WNK1: variants seen among roughly 807,000 people sequenced by gnomAD.
The protein encoded by WNK1 is WNK lysine deficient protein kinase 1, also known as serine/threonine-protein kinase WNK1.
In WNK1, 38 loss-of-function variants were observed where a neutral mutation model predicts 222.8. The ratio of observed to expected loss-of-function variants is 0.17; its 90% CI spans 0.13 to 0.22. WNK1 has a LOEUF of 0.22. WNK1 is among the 10% of genes least tolerant of loss of function. WNK1 has a pLI of 1.00. For synonymous variants in WNK1, 1,090 were observed against 1,092.9 expected (o/e 1.00, Z 0.05); for missense variants, 2,348 against 2,918.4 (o/e 0.80, Z 4.50).
rs1353529302 is a variant in WNK1, at chr12:869,041, A to T, written c.2140-2224A>T. 2 of 1,613,392 alleles carry T rather than the reference A, an allele frequency of 1.2e-6. No homozygotes were observed. Among genetic ancestry groups the T allele is most frequent in the Admixed American group, 3.3e-5 (2 of 59,774 alleles). On this transcript the variant is annotated intron_variant, in intron 8 of 27. Transcript: ENST00000315939. ...CACTTTTCTTCTGTTTCCCCCAAGG[A>T]ACCACATCTCAGCAGGTCTTAACTG...
At chr12:906,809 A>G in intron 26 of WNK1, 5 of 937,562 alleles carry the variant, frequency 5.3e-6, no homozygotes, top group Non-Finnish European at 6.3e-6. Context: ...GGAGGCTGAC[A>G]TGGCAGGATT....
chr12:792,637 A>G (rs1274662332), intron 1 of WNK1, among the ~76,000 whole-genome samples: 2 of 152,158 alleles, frequency 1.3e-5, no homozygotes. Context: ...TTGTAACAAA[A>G]AAGCTTACAA....
chr12:788,724 T>A (rs572162360), intron 1 of WNK1, among the ~76,000 whole-genome samples: 1 of 152,166 alleles, frequency 6.6e-6, no homozygotes, highest in Admixed American at 6.5e-5. Flanking sequence ...CCGTCTCTAC[T>A]AAGAATATAA....
chr12:768,218 C>T (rs1942018377), intron 1 of WNK1, among the ~76,000 whole-genome samples: 1 of 152,196 alleles, frequency 6.6e-6, no homozygotes. Context: ...TCACTGCAAC[C>T]TCCATCTCCC....
intron 4 of WNK1, among the ~76,000 whole-genome samples, chr12:837,462 T>A (rs1949275007): frequency 6.7e-6 from 1 of 150,252 alleles, no homozygotes; most frequent in Admixed American, 6.7e-5. Context: ...TAATCCCAGC[T>A]ACTAGGGAGG....
At chr12:855,444 T>C (rs1950713133) in intron 4 of WNK1, among the ~76,000 whole-genome samples, 1 of 152,218 alleles carries the variant, frequency 6.6e-6, no homozygotes, top group South Asian at 2.1e-4. Context: ...GATATAACTC[T>C]TGTACTTAAA....
chr12:831,906 A>G (rs568863158), intron 4 of WNK1, among the ~76,000 whole-genome samples: 20 of 152,210 alleles, frequency 1.3e-4, no homozygotes, highest in African/African-American at 4.8e-4. Flanking sequence ...AAGGATACTT[A>G]ATATGTGGTG....
At chr12:861,861 C>T (rs772021340) in intron 7 of WNK1, among the ~76,000 whole-genome samples, 4 of 152,194 alleles carry the variant, frequency 2.6e-5, no homozygotes, top group Non-Finnish European at 5.9e-5. Flanking sequence ...GTTTCCCTTA[C>T]TCCTCAGGTG....
At chr12:805,452 T>C (rs1169631412) in intron 1 of WNK1, among the ~76,000 whole-genome samples, 2 of 152,178 alleles carry the variant, frequency 1.3e-5, no homozygotes, top group Non-Finnish European at 2.9e-5. Flanking sequence ...AAAATACATA[T>C]ACACTCCTTG....
rs73041110 is a variant in WNK1, at chr12:771,014, A to G, written c.759+16690A>G. Among the ~76,000 whole-genome samples, 828 of 151,752 alleles carry G rather than the reference A, an allele frequency of 5.5e-3. 3 individuals are homozygous for G. The highest frequency in any genetic ancestry group is 0.01 in the South Asian group (50 of 4,820). On this transcript the variant is annotated intron_variant, in intron 1 of 27. Coordinates refer to ENST00000315939, the MANE Select transcript of WNK1 (RefSeq NM_018979.4). ...TGCTTTATATTTTCTTTTTTTTTGG[A>G]GACGGAGTCTTCGCTTTGTCTCGCC... is the stretch of plus-strand genomic sequence containing the variant.
At chr12:767,400 G>A (rs1019387329) in intron 1 of WNK1, among the ~76,000 whole-genome samples, 9 of 151,662 alleles carry the variant, frequency 5.9e-5, no homozygotes, top group African/African-American at 2.2e-4. Flanking sequence ...TTACAGGCGC[G>A]CGCCACCATG....
chr12:864,825 T>C (rs1486181306), intron 8 of WNK1, among the ~76,000 whole-genome samples: 1 of 152,244 alleles, frequency 6.6e-6, no homozygotes, highest in Non-Finnish European at 1.5e-5. Context: ...CATACACTTG[T>C]AACACTTGGT....
In WNK1 at chr12:755,846, G is replaced by T. The variant is rs1046167810; in HGVS notation, c.759+1522G>T. Among the ~76,000 whole-genome samples the T allele has an allele frequency of 1.8e-4, 27 of 152,280 alleles. 1 individual carries two copies. Among genetic ancestry groups the T allele is most frequent in the African/African-American group, 6.5e-4 (27 of 41,556 alleles). The stretch of plus-strand genomic sequence containing the variant: ...AAAAATTAGCCGGGTATGGTGGCGC[G>T]CGCCTGTAATTCCAACTACTCGGGA... On this transcript the variant is annotated intron_variant, in intron 1 of 27. Transcript: ENST00000315939.
chr12:779,210 TAGTG>T lies in WNK1; in HGVS notation c.759+24890_759+24893del, dbSNP rs1374951821. 3.9e-5 allele frequency among the ~76,000 whole-genome samples: 6 copies of T among 152,244 alleles called. No homozygotes were observed. The South Asian group carries it at 6.2e-4, about 16-fold the overall frequency. On this transcript the variant is annotated intron_variant, in intron 1 of 27. Transcript: ENST00000315939. ...CATTTTCATAAAATTTTAGAAAAAT[TAGTG>T]AGTAAATTTTTGGCAGTTATTTTAT...
At chr12:905,440 G>A (rs1003612316) in intron 26 of WNK1, among the ~76,000 whole-genome samples, 2 of 152,244 alleles carry the variant, frequency 1.3e-5, no homozygotes, top group African/African-American at 4.8e-5. Context: ...AAGGGGCCTC[G>A]CAGCATCAGG....
Position 862,200 on chromosome 12 carries a change from T to C in WNK1, c.2069T>C (p.Val690Ala), listed in dbSNP as rs746843926. The change falls in exon 8 of 28, where the codon GTC becomes GCC. Residue 690 changes from valine to alanine, a missense_variant. By Grantham distance (64) the Val-to-Ala change is moderately conservative. Around this residue, in one of 13 missense-constraint regions of WNK1, gnomAD observed 547 missense variants for 558.3 expected, o/e 0.98. Coordinates refer to ENST00000315939, the MANE Select transcript of WNK1 (RefSeq NM_018979.4). ...GAACAGGCACATTCTACAGGCACAG[T>C]CCCAGGGCATATACCTTCTACTGTC... ...QHEQAHSTGT[V>A]PGHIPSTVQA... The C allele has an allele frequency of 1.9e-6, 3 of 1,614,038 alleles. No individual in the cohort carries two copies. The highest frequency in any genetic ancestry group is 2.2e-5 in the South Asian group (2 of 91,072).
At chr12:828,975 G>C (rs1477520092) in intron 3 of WNK1, among the ~76,000 whole-genome samples, 1 of 152,228 alleles carries the variant, frequency 6.6e-6, no homozygotes, top group African/African-American at 2.4e-5. Flanking sequence ...GGTTAGGAAT[G>C]CTTTCACATT....
At chr12:851,699 A>G in intron 4 of WNK1, 1 of 1,333,774 alleles carries the variant, frequency 7.5e-7, no homozygotes, top group Middle Eastern at 2.1e-4. Context: ...TCTGATGGAT[A>G]TTAAAAAGAA....
intron 26 of WNK1, chr12:906,831 G>A: frequency 1.2e-6 from 1 of 835,112 alleles, no homozygotes; most frequent in Non-Finnish European, 1.4e-6. Flanking sequence ...CCTGAGCCCA[G>A]CAGTTCATGA....
Sources: allele counts gnomAD v4.1 joint callset (sites outside exome capture counted in the v4.1 genomes callset), GRCh38; gene constraint gnomAD v4.1.1; regional missense constraint gnomAD v4.1.1; transcripts MANE v1.5; gene names NCBI Gene and HGNC (gene_info 2026-07-23, HGNC 2026-07-21).